The following DOCK4 variants were observed in gnomAD, a reference collection of about 807,000 sequenced individuals.
The protein encoded by DOCK4 is dedicator of cytokinesis protein 4.
DOCK4 carries 97 observed loss-of-function variants against 268.1 expected under a neutral mutation model. The observed-to-expected ratio is 0.36, with a 90% CI of 0.31 to 0.43. The LOEUF (loss-of-function observed/expected upper bound fraction) is 0.43. Among genes scored for constraint, DOCK4 ranks in the 20% least tolerant of loss-of-function variants. DOCK4 has a pLI of 1.00. For synonymous variants in DOCK4, 954 were observed against 887.2 expected (o/e 1.08, Z -1.34); for missense variants, 2,145 against 2,455.7 (o/e 0.87, Z 2.67).
intron 1 of DOCK4, among the ~76,000 whole-genome samples, chr7:112,029,756 T>C (rs1256811934): frequency 6.6e-6 from 1 of 152,218 alleles, no homozygotes; most frequent in Non-Finnish European, 1.5e-5. Context: ...CAGAAGGAGA[T>C]ACTAATTCGA....
intron 1 of DOCK4, among the ~76,000 whole-genome samples, chr7:112,132,204 G>C (rs566811271): frequency 6.6e-6 from 1 of 152,206 alleles, no homozygotes; most frequent in Non-Finnish European, 1.5e-5. Context: ...TAGAGCCGGA[G>C]GACATTTTCT....
intron 8 of DOCK4, chr7:111,971,763 A>G: frequency 3.3e-6 from 1 of 305,044 alleles, no homozygotes; most frequent in South Asian, 3.6e-5. Flanking sequence ...GCCTGAATGA[A>G]CGGGTCAATC....
At chr7:112,066,496 C>CT (rs1806948067) in intron 1 of DOCK4, among the ~76,000 whole-genome samples, 1 of 126,412 alleles carries the variant, frequency 7.9e-6, no homozygotes, top group African/African-American at 4.3e-5. Context: ...TTCTCTCTCT[C>CT]CCTCTCTCTC....
intron 12 of DOCK4, 21 bp from the exon 13 acceptor site, chr7:111,915,925 C>G (rs1361801257): frequency 1.9e-6 from 3 of 1,603,090 alleles, no homozygotes; most frequent in Non-Finnish European, 2.6e-6. Context: ...TGAGAGATAC[C>G]CGAGTTAAAA....
chr7:112,126,227 G>A (rs2115998987), intron 1 of DOCK4, among the ~76,000 whole-genome samples: 1 of 152,300 alleles, frequency 6.6e-6, no homozygotes, highest in East Asian at 1.9e-4. Context: ...AAATCTTCAA[G>A]GACAGAGGCT....
chr7:112,135,102 T>C (rs1814202046), intron 1 of DOCK4, among the ~76,000 whole-genome samples: 2 of 152,170 alleles, frequency 1.3e-5, no homozygotes, highest in South Asian at 4.1e-4. Flanking sequence ...CTTAGTTTAA[T>C]TTTGCCTTAA....
In DOCK4 at chr7:111,952,694, A is replaced by C. The variant is rs568283904; in HGVS notation, c.702-6896T>G. Among the ~76,000 whole-genome samples the C allele has an allele frequency of 2.7e-3, 406 of 152,296 alleles. 2 individuals carry two copies. Among genetic ancestry groups the C allele is most frequent in the African/African-American group, 9.4e-3 (392 of 41,570 alleles). On this transcript the variant is annotated intron_variant, in intron 8 of 52. Coordinates refer to ENST00000428084, the MANE Select transcript of DOCK4 (RefSeq NM_001363540.2). ...AAGATTAGCAAGCTAATCAATCCAC[A>C]AAAAATTACAAAGAACGCTTGTAAA...
At chr7:111,728,842 A>C (rs1794860518) in intron 52 of DOCK4, 122 bp from the exon 53 acceptor site, 2 of 877,592 alleles carry the variant, frequency 2.3e-6, no homozygotes, top group East Asian at 5.3e-5. Flanking sequence ...CGGCTGCAGC[A>C]GGAGATGCAG....
At chr7:111,803,001 A>C (rs73434266) in intron 30 of DOCK4, among the ~76,000 whole-genome samples, 10,633 of 152,244 alleles carry the variant, frequency 0.07, 1,260 homozygotes, top group African/African-American at 0.24. Flanking sequence ...TCACACCTAA[A>C]AAAGAAATAA....
At chr7:112,150,108 AG>A (rs1815917174) in intron 1 of DOCK4, among the ~76,000 whole-genome samples, 1 of 152,222 alleles carries the variant, frequency 6.6e-6, no homozygotes, top group East Asian at 1.9e-4. Flanking sequence ...TAACAAGACT[AG>A]TAAGAGCCTA....
At chr7:111,994,335 G>A (rs1799759524) in intron 4 of DOCK4, 104 bp from the exon 5 acceptor site, 3 of 626,164 alleles carry the variant, frequency 4.8e-6, no homozygotes, top group African/African-American at 1.8e-5. Flanking sequence ...CCTAGCTATT[G>A]TTCGTTCTAC....
intron 1 of DOCK4, among the ~76,000 whole-genome samples, chr7:112,135,483 T>C (rs1185522978): frequency 2.0e-5 from 3 of 152,186 alleles, no homozygotes; most frequent in Non-Finnish European, 4.4e-5. Flanking sequence ...TACCCAATTA[T>C]AGTCTAACTT....
At position 111,760,781 on chromosome 7, in the gene DOCK4, T is replaced by TGTGTGTGA. The variant is rs61045792; in HGVS notation, c.4021-460_4021-459insTCACACAC. On this transcript the variant is annotated intron_variant, in intron 39 of 52. Transcript: ENST00000428084. ...GTGTGTGTGTGTGTGTGTGTGTGTG[T>TGTGTGTGA]GTATTCTGCCGTTCATGATGCTCTC... 4.8e-3 allele frequency among the ~76,000 whole-genome samples: 685 copies of TGTGTGTGA among 143,418 alleles called. 7 individuals carry two copies. The highest frequency in any genetic ancestry group is 0.015 in the African/African-American group (574 of 38,140). 94.1% of individuals were successfully genotyped at this position (143,418 alleles called of 152,430 possible). A position where few individuals can be genotyped will look rare whatever the true frequency, so the allele number is the denominator to read the frequency against.
intron 1 of DOCK4, among the ~76,000 whole-genome samples, chr7:112,147,247 C>A (rs1002477861): frequency 1.3e-5 from 2 of 152,220 alleles, no homozygotes; most frequent in African/African-American, 2.4e-5. Context: ...CTACAACCCA[C>A]GTAAGTCTAA....
At chr7:111,972,371 C>T (rs977477498) in intron 8 of DOCK4, among the ~76,000 whole-genome samples, 3 of 151,970 alleles carry the variant, frequency 2.0e-5, no homozygotes, top group South Asian at 2.1e-4. Flanking sequence ...TCTAGCCTCT[C>T]GGTGTCTTGG....
At chr7:111,773,197 T>A (rs1186166869) in intron 36 of DOCK4, among the ~76,000 whole-genome samples, 2 of 152,300 alleles carry the variant, frequency 1.3e-5, no homozygotes, top group African/African-American at 4.8e-5. Flanking sequence ...GAGTTAGGCA[T>A]GGAGGCTGCT....
chr7:111,868,900 AAT>A (rs1353465652), intron 21 of DOCK4, among the ~76,000 whole-genome samples: 1 of 152,180 alleles, frequency 6.6e-6, no homozygotes, highest in Non-Finnish European at 1.5e-5. Flanking sequence ...ATTACAAATG[AAT>A]AATTCACAAA....
intron 11 of DOCK4, among the ~76,000 whole-genome samples, chr7:111,937,310 A>G (rs1056369091): frequency 4.6e-5 from 7 of 152,170 alleles, no homozygotes; most frequent in African/African-American, 1.7e-4. Flanking sequence ...CCTAATCTAC[A>G]GTGACTGTTT....
intron 36 of DOCK4, among the ~76,000 whole-genome samples, chr7:111,777,690 CATGGGAGGGACAAG>C (rs898774171): frequency 1.3e-5 from 2 of 152,114 alleles, no homozygotes; most frequent in African/African-American, 4.8e-5. Flanking sequence ...TCCCATATGT[CATGGGAGGGACAAG>C]GTGGGAGGTA....
Sources: gnomAD v4.1 joint callset for allele counts (sites outside exome capture counted in the v4.1 genomes callset) on GRCh38, gnomAD v4.1.1 for gene constraint, MANE v1.5 for transcripts, NCBI Gene and HGNC (gene_info 2026-07-23, HGNC 2026-07-21) for gene names.